The following RAB31 variants were observed in gnomAD, a reference collection of about 807,000 sequenced individuals.
RAB31 encodes RAB31, member RAS oncogene family.
RAB31 carries 21 observed loss-of-function variants against 25.6 expected under a neutral mutation model. The ratio of observed to expected loss-of-function variants is 0.82; its 90% CI spans 0.58 to 1.18. RAB31 has a LOEUF of 1.18. Ranked by LOEUF, RAB31 falls within the 50% of genes most tolerant of loss-of-function variation. RAB31 has a pLI of 0.00. For synonymous variants in RAB31, 87 were observed against 84.0 expected (o/e 1.04, Z -0.20); for missense variants, 196 against 250.1 (o/e 0.78, Z 1.46).
rs560603852 is a variant in RAB31 at position 9,708,613 on chromosome 18, C to T, written c.39+169C>T. Among the ~76,000 whole-genome samples, 256 of 151,520 alleles carry T rather than the reference C, an allele frequency of 1.7e-3. 1 individual carries two copies. The South Asian group carries it at 0.021, about 12-fold the overall frequency. The stretch of plus-strand genomic sequence containing the variant: ...CCCCTGGTTCCCCGGGTCCCCCTGG[C>T]TCCCCTAGTCCGTGCGCCCCTCGCT... On this transcript the variant is annotated intron_variant, in intron 1 of 6. Transcript: ENST00000578921. The surrounding 1 kb of genome is among the most constrained non-coding windows in gnomAD (Gnocchi z 6.4).
intron 2 of RAB31, among the ~76,000 whole-genome samples, chr18:9,779,680 G>A (rs1304210188): frequency 6.6e-6 from 1 of 152,162 alleles, no homozygotes; most frequent in Non-Finnish European, 1.5e-5. Flanking sequence ...AATTGAACTG[G>A]CATCCTGTAT....
At chr18:9,778,069 A>G (rs916945401) in intron 2 of RAB31, among the ~76,000 whole-genome samples, 1 of 152,084 alleles carries the variant, frequency 6.6e-6, no homozygotes, top group Non-Finnish European at 1.5e-5. Flanking sequence ...GACCTTTTTT[A>G]AAGTAAAAAG....
intron 1 of RAB31, among the ~76,000 whole-genome samples, chr18:9,729,474 C>T (rs1224277335): frequency 6.6e-6 from 1 of 151,642 alleles, no homozygotes; most frequent in African/African-American, 2.4e-5. Context: ...TTGCAGTGAG[C>T]CAAGATCACG....
intron 3 of RAB31, among the ~76,000 whole-genome samples, chr18:9,794,617 C>A (rs2068477511): frequency 6.6e-6 from 1 of 152,102 alleles, no homozygotes; most frequent in African/African-American, 2.4e-5. Flanking sequence ...GAGTTCGAGA[C>A]CAGCCTGGCC....
chr18:9,757,352 C>T (rs955622901), intron 1 of RAB31, among the ~76,000 whole-genome samples: 1 of 152,158 alleles, frequency 6.6e-6, no homozygotes, highest in Admixed American at 6.5e-5. Context: ...CACTGCTCTG[C>T]GTAGCTCCTG....
chr18:9,729,456 G>C (rs769405699), intron 1 of RAB31, among the ~76,000 whole-genome samples: 2 of 152,034 alleles, frequency 1.3e-5, no homozygotes, highest in African/African-American at 2.4e-5. Flanking sequence ...AAACCAGGGA[G>C]GGGGAGCTTG....
In RAB31 at chr18:9,814,665, C is replaced by A. The variant is rs539400719; in HGVS notation, c.274-451C>A. On this transcript the variant is annotated intron_variant, in intron 4 of 6. Transcript: ENST00000578921. ...AATGACCCATCACTGTTACTTTCCA[C>A]GAGTTCCTGACCACTTCTACCTAAA... The A allele has an allele frequency of 6.2e-5, 10 of 160,054 alleles. No individual in the cohort carries two copies. In the South Asian group the frequency reaches 1.6e-3, roughly 25 times the overall value. The allele number at this position is 160,054 out of a possible 1,614,324, so 9.9% of individuals were successfully genotyped here. A position where few individuals can be genotyped will look rare whatever the true frequency, so the allele number is the denominator to read the frequency against.
chr18:9,829,856 G>T (rs932597007), intron 5 of RAB31, among the ~76,000 whole-genome samples: 5 of 151,594 alleles, frequency 3.3e-5, no homozygotes, highest in Non-Finnish European at 7.4e-5. Context: ...TTTTCTATTG[G>T]ATTGTTTACC....
At chr18:9,807,170 A>G (rs2109616) in intron 3 of RAB31, among the ~76,000 whole-genome samples, 66,787 of 152,108 alleles carry the variant, frequency 0.44, 15,010 homozygotes, top group East Asian at 0.73. Context: ...TGCAGAGTCT[A>G]GGGCTCTAGG....
At chr18:9,799,688 G>A (rs2068504193) in intron 3 of RAB31, among the ~76,000 whole-genome samples, 1 of 152,108 alleles carries the variant, frequency 6.6e-6, no homozygotes, top group Admixed American at 6.5e-5. Context: ...TCTGAATGTT[G>A]CTTTTGCTTT....
intron 1 of RAB31, among the ~76,000 whole-genome samples, chr18:9,748,290 A>G (rs900733744): frequency 6.6e-6 from 1 of 152,130 alleles, no homozygotes; most frequent in African/African-American, 2.4e-5. Context: ...TGAGCACAGG[A>G]GTTGGAGACC....
At position 9,795,944 on chromosome 18, in the gene RAB31, C is replaced by G. The variant is rs559886659; in HGVS notation, c.201+3709C>G. The stretch of plus-strand genomic sequence containing the variant: ...ACTTGCACACGCATGTTTATTGCAG[C>G]ACAATTTGCAGTTGTAAAAATATGG... On this transcript the variant is annotated intron_variant, in intron 3 of 6. Coordinates refer to ENST00000578921, the MANE Select transcript of RAB31 (RefSeq NM_006868.4). Among the ~76,000 whole-genome samples the G allele has an allele frequency of 3.0e-4, 45 of 152,244 alleles. No individual in the cohort carries two copies. In the South Asian group the frequency reaches 5.6e-3, roughly 19 times the overall value.
At chr18:9,783,508 G>A (rs987927946) in intron 2 of RAB31, among the ~76,000 whole-genome samples, 10 of 152,050 alleles carry the variant, frequency 6.6e-5, no homozygotes, top group African/African-American at 1.9e-4. Context: ...ATTATTTATC[G>A]CAGCACCTAG....
intron 2 of RAB31, among the ~76,000 whole-genome samples, chr18:9,777,754 C>CTTTT (rs36009427): frequency 5.3e-5 from 6 of 113,966 alleles, no homozygotes; most frequent in African/African-American, 1.1e-4. Context: ...TTGTAATGAC[C>CTTTT]TTTTTTTTTT....
At chr18:9,731,427 G>A (rs572705551) in intron 1 of RAB31, among the ~76,000 whole-genome samples, 1 of 152,286 alleles carries the variant, frequency 6.6e-6, no homozygotes, top group Non-Finnish European at 1.5e-5. Context: ...ACTTGTGCAA[G>A]GTGACATAAA....
At chr18:9,839,610 G>T (rs1172802891) in intron 5 of RAB31, among the ~76,000 whole-genome samples, 1 of 152,156 alleles carries the variant, frequency 6.6e-6, no homozygotes, top group African/African-American at 2.4e-5. Flanking sequence ...CAAGAAGAGT[G>T]GCAGATTTGT....
chr18:9,708,497 C>T lies in RAB31; in HGVS notation c.39+53C>T. ...GACCCCGGCCCGCGCTCTCGCGCCC[C>T]TTCGCTCCCCTATTCCCTGCGCGCT... is the stretch of plus-strand genomic sequence containing the variant. On this transcript the variant is annotated intron_variant, in intron 1 of 6. Coordinates refer to ENST00000578921, the MANE Select transcript of RAB31 (RefSeq NM_006868.4). This position sits in a 1 kb window ranked among gnomAD's most constrained non-coding sequence, Gnocchi z 6.4. The T allele has an allele frequency of 2.7e-6, 4 of 1,475,090 alleles. No individual in the cohort carries two copies. The highest frequency in any genetic ancestry group is 3.7e-6 in the Non-Finnish European group (4 of 1,094,126). The allele number at this position is 1,475,090 out of a possible 1,614,324, so 91.4% of individuals were successfully genotyped here. A position where few individuals can be genotyped will look rare whatever the true frequency, so the allele number is the denominator to read the frequency against.
chr18:9,861,701 G>A lies in RAB31; in HGVS notation c.*2376G>A, dbSNP rs920621987. Reference sequence around the variant, plus strand: ...GCTAAAAAAAGTCATGTAGTTTCATGTAGTGTAGCATCCTTGGCATCGTTT... The same window carrying A: ...GCTAAAAAAAGTCATGTAGTTTCATATAGTGTAGCATCCTTGGCATCGTTT... On this transcript the variant is annotated 3_prime_UTR_variant, in exon 7 of 7. Coordinates refer to ENST00000578921, the MANE Select transcript of RAB31 (RefSeq NM_006868.4). 6.6e-6 allele frequency: 1 copy of A among 152,098 alleles called. No individual in the cohort carries two copies. Among genetic ancestry groups the A allele is most frequent in the Non-Finnish European group, 1.5e-5 (1 of 68,012 alleles). 9.4% of individuals were successfully genotyped at this position (152,098 alleles called of 1,614,324 possible). A position where few individuals can be genotyped will look rare whatever the true frequency, so the allele number is the denominator to read the frequency against.
intron 6 of RAB31, among the ~76,000 whole-genome samples, chr18:9,851,924 T>C (rs183628466): frequency 6.6e-6 from 1 of 151,494 alleles, no homozygotes. Flanking sequence ...ATATCATATT[T>C]CATAATATAT....
Sources: allele counts gnomAD v4.1 joint callset (sites outside exome capture counted in the v4.1 genomes callset), GRCh38; gene constraint gnomAD v4.1.1; non-coding constraint Gnocchi (gnomAD v3.1); transcripts MANE v1.5; gene names NCBI Gene and HGNC (gene_info 2026-07-23, HGNC 2026-07-21).